The following TMEM165 variants were observed in gnomAD, a reference collection of about 807,000 sequenced individuals.
TMEM165 encodes putative divalent cation/proton antiporter TMEM165.
A neutral mutation model predicts 30.0 loss-of-function variants in TMEM165; 19 were observed. That is an observed-to-expected ratio of 0.63 (90% confidence interval 0.44 to 0.93). The LOEUF (loss-of-function observed/expected upper bound fraction) is 0.93, where lower values mean the gene tolerates loss of function less well. TMEM165 is among the 40% of genes least tolerant of loss of function. TMEM165 has a pLI of 0.00. For missense variants in TMEM165, 340 were observed against 417.0 expected (o/e 0.82, Z 1.61); for synonymous variants, 168 against 162.9 (o/e 1.03, Z -0.24).
chr4:55,448,601 CGTGTGTGTGTGTGTGTGTGTGTGTGT>C (rs3034980), intron 3 of TMEM165, among the ~76,000 whole-genome samples: 4 of 116,980 alleles, frequency 3.4e-5, no homozygotes, highest in Admixed American at 8.6e-5. Flanking sequence ...CGCACGCGCG[CGTGTGTGTGTGTGTGTGTGTGTGTGT>C]GTGTGTGTGT....
intron 1 of TMEM165, among the ~76,000 whole-genome samples, chr4:55,404,044 CCTTT>C (rs1721167146): frequency 2.8e-5 from 3 of 106,808 alleles, no homozygotes. Flanking sequence ...TTCTTTCTTT[CCTTT>C]TTTTTTTTTT....
chr4:55,439,576 G>C (rs760172175), intron 3 of TMEM165, among the ~76,000 whole-genome samples: 5 of 152,124 alleles, frequency 3.3e-5, no homozygotes, highest in Non-Finnish European at 7.4e-5. Context: ...ATCATAAGCA[G>C]CATTATTCAC....
At chr4:55,398,869 C>T (rs569642203) in intron 1 of TMEM165, 1 of 100,302 alleles carries the variant, frequency 1.0e-5, no homozygotes, top group South Asian at 6.1e-4. Context: ...ATAAACTCAA[C>T]CAGGAAAAAA....
chr4:55,411,436 T>C (rs1338607970), intron 1 of TMEM165, among the ~76,000 whole-genome samples, 178 bp from the exon 2 acceptor site: 1 of 152,168 alleles, frequency 6.6e-6, no homozygotes, highest in East Asian at 1.9e-4. Flanking sequence ...GATACTCAAA[T>C]TGTAGCAACC....
At chr4:55,439,313 G>A (rs966616336) in intron 3 of TMEM165, among the ~76,000 whole-genome samples, 1 of 152,054 alleles carries the variant, frequency 6.6e-6, no homozygotes, top group African/African-American at 2.4e-5. Context: ...CACAACAAGA[G>A]GCTACTTTAT....
intron 2 of TMEM165, chr4:55,412,883 G>A (rs1721566933): frequency 6.6e-6 from 1 of 151,788 alleles, no homozygotes; most frequent in Non-Finnish European, 1.5e-5. Flanking sequence ...ATAGTTATTA[G>A]TACTCAAAGA....
intron 2 of TMEM165, among the ~76,000 whole-genome samples, chr4:55,416,769 G>A (rs1030786874): frequency 5.9e-5 from 9 of 152,126 alleles, no homozygotes; most frequent in Non-Finnish European, 1.3e-4. Flanking sequence ...AGGCAAGCCA[G>A]CCTCTGACTG....
intron 1 of TMEM165, chr4:55,403,208 G>T: frequency 2.4e-6 from 3 of 1,231,894 alleles, no homozygotes; most frequent in Non-Finnish European, 3.2e-6. Context: ...ATAACTTATT[G>T]AGCAACTTTG....
intron 1 of TMEM165, among the ~76,000 whole-genome samples, chr4:55,405,837 C>T (rs928288332): frequency 3.9e-5 from 6 of 152,206 alleles, no homozygotes; most frequent in Non-Finnish European, 7.4e-5. Flanking sequence ...TATGTAATGA[C>T]TTCCCTCTTG....
intron 1 of TMEM165, chr4:55,403,394 A>G: frequency 1.1e-6 from 1 of 882,308 alleles, no homozygotes; most frequent in South Asian, 2.0e-5. Flanking sequence ...CTCTAGAACT[A>G]GAAAAGGAAT....
In TMEM165 at chr4:55,402,403, G is replaced by GTGTGTATA. The variant is rs1334888892; in HGVS notation, c.207+6008_207+6009insGTGTATAT. 5.3e-3 allele frequency among the ~76,000 whole-genome samples: 253 copies of GTGTGTATA among 47,992 alleles called. 2 individuals are homozygous for GTGTGTATA. Among genetic ancestry groups the GTGTGTATA allele is most frequent in the Middle Eastern group, 0.01 (1 of 100 alleles). The allele number at this position is 47,992 out of a possible 152,430, so 31.5% of individuals were successfully genotyped here. On this transcript the variant is annotated intron_variant, in intron 1 of 5. Transcript: ENST00000381334. ...TAAGTGCGTGCGTGTGTGTGTGTGT[G>GTGTGTATA]TATATATATATATATATATATATAT...
At chr4:55,450,720 G>T (rs1724360933) in intron 3 of TMEM165, among the ~76,000 whole-genome samples, 1 of 151,540 alleles carries the variant, frequency 6.6e-6, no homozygotes, top group African/African-American at 2.4e-5. Flanking sequence ...AGTGAGCCGA[G>T]ATCCTGCCAC....
At chr4:55,403,317 A>G (rs1197660810) in intron 1 of TMEM165, 15 of 1,270,370 alleles carry the variant, frequency 1.2e-5, no homozygotes, top group African/African-American at 1.9e-5. Context: ...TTCATCATGT[A>G]TAGATGGAGA....
intron 1 of TMEM165, among the ~76,000 whole-genome samples, chr4:55,406,065 A>G (rs901884187): frequency 1.8e-4 from 27 of 152,252 alleles, no homozygotes; most frequent in African/African-American, 6.5e-4. Flanking sequence ...CTGAAATCCC[A>G]CTGAAACTTC....
chr4:55,435,969 CAA>C (rs1366458378), intron 3 of TMEM165, among the ~76,000 whole-genome samples: 2 of 152,158 alleles, frequency 1.3e-5, no homozygotes, highest in African/African-American at 4.8e-5. Flanking sequence ...GCCAGACAGA[CAA>C]TGCCTTCTGC....
chr4:55,436,845 G>A (rs970510913), intron 3 of TMEM165, among the ~76,000 whole-genome samples: 6 of 149,610 alleles, frequency 4.0e-5, no homozygotes, highest in Non-Finnish European at 8.9e-5. Context: ...ATTTATGAGG[G>A]GTATTGCCTA....
At chr4:55,442,286 G>A in intron 3 of TMEM165, 2 of 735,956 alleles carry the variant, frequency 2.7e-6, no homozygotes, top group Non-Finnish European at 4.6e-6. Flanking sequence ...AATACATTCA[G>A]TGTTTTTATT....
chr4:55,425,506 T>A lies in TMEM165; in HGVS notation c.*54T>A. On this transcript the variant is annotated 3_prime_UTR_variant, in exon 6 of 6. Transcript: ENST00000381334. ...TAAAATAGGTAGTATTATCTTTCTG[T>A]ACATAGTGTACATTACAACTAAAAG... 1 of 1,331,926 alleles carries A rather than the reference T, an allele frequency of 7.5e-7. No individual in the cohort carries two copies. Among genetic ancestry groups the A allele is most frequent in the African/African-American group, 1.5e-5 (1 of 68,916 alleles). 82.5% of individuals were successfully genotyped at this position (1,331,926 alleles called of 1,614,324 possible).
In TMEM165 at chr4:55,413,504, T is replaced by TA. The variant is rs1560392939; in HGVS notation, c.433+1666dup. On this transcript the variant is annotated intron_variant, in intron 2 of 5. Coordinates refer to ENST00000381334, the MANE Select transcript of TMEM165 (RefSeq NM_018475.5). ...TACTTATTGTATGTTTTGGTAGAGA[T>TA]AGAGTTTTACCATGTTGGCCAGGCT... Among the ~76,000 whole-genome samples, 5 of 152,272 alleles carry TA rather than the reference T, an allele frequency of 3.3e-5. No individual in the cohort carries two copies. In the South Asian group the frequency reaches 1.0e-3, roughly 32 times the overall value.
Sources: gnomAD v4.1 joint callset for allele counts (sites outside exome capture counted in the v4.1 genomes callset) on GRCh38, gnomAD v4.1.1 for gene constraint, MANE v1.5 for transcripts, NCBI Gene and HGNC (gene_info 2026-07-23, HGNC 2026-07-21) for gene names.